Variants in CTCFL observed in about 807,000 individuals in gnomAD.
CTCFL encodes transcriptional repressor CTCFL.
CTCFL carries 36 observed loss-of-function variants against 67.4 expected under a neutral mutation model. That is an observed-to-expected ratio of 0.53 (90% CI 0.41 to 0.71). The LOEUF is 0.71. Among genes scored for constraint, CTCFL ranks in the 30% least tolerant of loss-of-function variants. CTCFL has a pLI of 0.00. For synonymous variants in CTCFL, 324 were observed against 302.3 expected (o/e 1.07, Z -0.75); for missense variants, 786 against 835.2 (o/e 0.94, Z 0.73).
intron 7 of CTCFL, chr20:57,514,014 A>C: frequency 3.0e-6 from 2 of 665,100 alleles, no homozygotes; most frequent in Non-Finnish European, 4.4e-6. Context: ...TCCCTCTCCC[A>C]CTCTGTGGGG....
chr20:57,499,887 C>CACCT (rs2067829249), intron 10 of CTCFL: 2 of 839,760 alleles, frequency 2.4e-6, no homozygotes, highest in East Asian at 2.7e-4. Flanking sequence ...AGCTTCACTC[C>CACCT]CTCACCCACT....
chr20:57,506,790 G>A lies in CTCFL; in HGVS notation c.1674+1816C>T, dbSNP rs2068229318. Reference sequence around the variant, plus strand: ...TTTTTATTTCTTGCACCAAAGAGCAGTTTTTTTCTCTTTAGAATTCTACTC... The same window carrying A: ...TTTTTATTTCTTGCACCAAAGAGCAATTTTTTTCTCTTTAGAATTCTACTC... On this transcript the variant is annotated intron_variant, in intron 9 of 10. Coordinates refer to ENST00000243914, the MANE Select transcript of CTCFL (RefSeq NM_001386993.1). The A allele has an allele frequency of 2.0e-6, 2 of 984,800 alleles. 1 individual carries two copies. The highest frequency in any genetic ancestry group is 9.4e-5 in the South Asian group (2 of 21,286). The allele number at this position is 984,800 out of a possible 1,614,324, so 61.0% of individuals were successfully genotyped here.
rs145790955 is a variant in CTCFL, at chr20:57,504,571, C to T, written c.1675-970G>A. On this transcript the variant is annotated intron_variant, in intron 9 of 10. Transcript: ENST00000243914. ...TGCTGAGATTACAGGCGTGAGCCACCGCACTGGCCAAGATAACATCCTAAC... is the reference window on the plus strand; with the variant it reads ...TGCTGAGATTACAGGCGTGAGCCACTGCACTGGCCAAGATAACATCCTAAC... Among the ~76,000 whole-genome samples, 25 of 151,860 alleles carry T rather than the reference C, an allele frequency of 1.6e-4. 1 individual carries two copies. In the East Asian group the frequency reaches 2.1e-3, roughly 13 times the overall value.
chr20:57,502,009 C>T (rs1248981619), intron 10 of CTCFL, among the ~76,000 whole-genome samples: 1 of 152,192 alleles, frequency 6.6e-6, no homozygotes, highest in Non-Finnish European at 1.5e-5. Context: ...TGGTAATTGC[C>T]GATGCCTGGA....
intron 9 of CTCFL, among the ~76,000 whole-genome samples, chr20:57,504,264 C>G (rs1174167669): frequency 6.8e-6 from 1 of 147,472 alleles, no homozygotes; most frequent in East Asian, 2.0e-4. Flanking sequence ...GCATGAGCCA[C>G]TGCACCCGCC....
chr20:57,496,334 C>A, downstream of CTCFL: 1 of 682,470 alleles, frequency 1.5e-6, no homozygotes, highest in Non-Finnish European at 2.7e-6. Context: ...AGGCAGATAC[C>A]AACATCATCC....
intron 2 of CTCFL, among the ~76,000 whole-genome samples, 182 bp from the exon 3 acceptor site, chr20:57,523,460 G>A (rs563089636): frequency 2.0e-5 from 3 of 152,094 alleles, no homozygotes; most frequent in South Asian, 2.1e-4. Context: ...AACATAATGC[G>A]CCTTACACTA....
At chr20:57,521,494 T>C (rs2069359552) in intron 3 of CTCFL, among the ~76,000 whole-genome samples, 3 of 152,226 alleles carry the variant, frequency 2.0e-5, no homozygotes, top group Admixed American at 2.0e-4. Flanking sequence ...GCAGCTGCTA[T>C]GGAAAATAGT....
At chr20:57,523,021 A>T (rs2069504326) in intron 3 of CTCFL, 47 bp downstream of exon 3, 1 of 1,468,874 alleles carries the variant, frequency 6.8e-7, no homozygotes. Context: ...AAAGAAAAAC[A>T]GCAGCCCAGT....
At chr20:57,519,089 GACAAA>G in intron 4 of CTCFL, 113 bp downstream of exon 4, 2 of 1,265,274 alleles carry the variant, frequency 1.6e-6, no homozygotes, top group Non-Finnish European at 2.2e-6. Flanking sequence ...AGAAAAAGAA[GACAAA>G]ACTAAAGTAT....
At chr20:57,509,497 A>G (rs900847454) in intron 8 of CTCFL, among the ~76,000 whole-genome samples, 1 of 152,042 alleles carries the variant, frequency 6.6e-6, no homozygotes, top group African/African-American at 2.4e-5. Flanking sequence ...TCCTAGCCTC[A>G]AGCAATTCTC....
chr20:57,514,424 C>T (rs1422244937), intron 7 of CTCFL, among the ~76,000 whole-genome samples, 168 bp downstream of exon 7: 1 of 152,204 alleles, frequency 6.6e-6, no homozygotes, highest in East Asian at 1.9e-4. Flanking sequence ...TTATGAGATG[C>T]AGCCACCAGA....
chr20:57,512,666 G>A lies in CTCFL; in HGVS notation c.1417C>T (p.Leu473Phe), dbSNP rs1210462733. The change falls in exon 8 of 11, where the codon CTC (leucine) becomes TTC (phenylalanine). Residue 473 changes from leucine to phenylalanine, a missense_variant. By Grantham distance (22) the Leu-to-Phe change is conservative (BLOSUM62 0). Transcript: ENST00000243914. The part of the protein sequence containing the change: ...CSAVFHERYA[L>F]IQHQKTHKNE... Reference sequence around the variant, plus strand: ...TTATGAGTTTTCTGGTGCTGAATGAGGGCATAGCGTTCATGGAAGACAGCA... The same window carrying A: ...TTATGAGTTTTCTGGTGCTGAATGAAGGCATAGCGTTCATGGAAGACAGCA... 4.3e-6 allele frequency: 7 copies of A among 1,614,076 alleles called. No homozygotes were observed. The African/African-American group carries it at 8.0e-5, about 18-fold the overall frequency.
chr20:57,507,596 C>T lies in CTCFL; in HGVS notation c.1674+1010G>A, dbSNP rs1290543672. On this transcript the variant is annotated intron_variant, in intron 9 of 10. Coordinates refer to ENST00000243914, the MANE Select transcript of CTCFL (RefSeq NM_001386993.1). ...TCAGGAGGACACTCAAGCAGCCCTG[C>T]AGAGAGGTCCCTGTAGCAAGGAACT... The T allele has an allele frequency of 1.4e-5, 10 of 703,020 alleles. No individual in the cohort carries two copies. The East Asian group carries it at 2.4e-4, about 17-fold the overall frequency. The allele number at this position is 703,020 out of a possible 1,614,324, so 43.5% of individuals were successfully genotyped here. A position where few individuals can be genotyped will look rare whatever the true frequency, so the allele number is the denominator to read the frequency against.
chr20:57,510,132 C>A (rs541865553), intron 8 of CTCFL, among the ~76,000 whole-genome samples: 13 of 152,354 alleles, frequency 8.5e-5, no homozygotes, highest in Non-Finnish European at 1.6e-4. Flanking sequence ...TCAAAACACA[C>A]AGTAAGCACT....
chr20:57,505,972 T>C (rs2068187618), intron 9 of CTCFL, among the ~76,000 whole-genome samples: 1 of 152,244 alleles, frequency 6.6e-6, no homozygotes, highest in Non-Finnish European at 1.5e-5. Flanking sequence ...CTGTCTGCGT[T>C]TATGATGGAA....
chr20:57,524,835 C>G, intron 1 of CTCFL, 193 bp downstream of exon 1: 1 of 851,754 alleles, frequency 1.2e-6, no homozygotes, highest in Non-Finnish European at 1.4e-6. Context: ...AGCACACTCC[C>G]TCGGAGGCCT....
At chr20:57,514,443 C>T (rs1330796938) in intron 7 of CTCFL, 149 bp downstream of exon 7, 13 of 871,244 alleles carry the variant, frequency 1.5e-5, no homozygotes, top group Non-Finnish European at 2.3e-5. Context: ...GATGGTGCGA[C>T]AGGACTTCTG....
chr20:57,497,449 C>T lies in CTCFL; in HGVS notation c.*1101G>A. 1.0e-6 allele frequency: 1 copy of T among 985,368 alleles called. No homozygotes were observed. The highest frequency in any genetic ancestry group is 1.7e-5 in the African/African-American group (1 of 57,344). 61.0% of individuals were successfully genotyped at this position (985,368 alleles called of 1,614,324 possible). A position where few individuals can be genotyped will look rare whatever the true frequency, so the allele number is the denominator to read the frequency against. The stretch of plus-strand genomic sequence containing the variant: ...ATATCTTAAGAATTTGAATTTAGGG[C>T]TTATCAATGATCTTGAAATACAGGG... On this transcript the variant is annotated 3_prime_UTR_variant, in exon 11 of 11. Transcript: ENST00000243914.
Sources: allele counts gnomAD v4.1 joint callset (sites outside exome capture counted in the v4.1 genomes callset), GRCh38; gene constraint gnomAD v4.1.1; transcripts MANE v1.5; gene names NCBI Gene and HGNC (gene_info 2026-07-23, HGNC 2026-07-21).